Variants in ZNF490 observed in about 807,000 individuals in gnomAD.
The protein encoded by ZNF490 is zinc finger protein 490.
Under a neutral mutation model 17.7 loss-of-function variants are expected in ZNF490, and 11 were observed. The ratio of observed to expected loss-of-function variants is 0.62; its 90% confidence interval spans 0.39 to 1.03. The LOEUF is 1.03. Ranked by LOEUF, ZNF490 falls within the 50% of genes least tolerant of loss-of-function variation. ZNF490 has a pLI of 0.00. For missense variants in ZNF490, 542 were observed against 643.4 expected, an observed-to-expected ratio of 0.84 and a Z score of 1.71; for synonymous variants, 222 against 216.1, an observed-to-expected ratio of 1.03 and a Z score of -0.24.
rs547926819 is a variant in ZNF490 at position 12,582,995 on chromosome 19, G to C, written c.290-85C>G. ...ACTCTAAGATCCATGATTAGCTATTGATTAGCTATGACACTGTCTGATCTA... is the reference window on the plus strand; with the variant it reads ...ACTCTAAGATCCATGATTAGCTATTCATTAGCTATGACACTGTCTGATCTA... On this transcript the variant is annotated intron_variant, in intron 3 of 4. Transcript: ENST00000311437. 7.4e-5 allele frequency: 80 copies of C among 1,083,170 alleles called. 1 individual carries two copies. Among genetic ancestry groups the C allele is most frequent in the South Asian group, 6.0e-4 (44 of 72,976 alleles). The allele number at this position is 1,083,170 out of a possible 1,614,324, so 67.1% of individuals were successfully genotyped here.
Position 12,595,966 on chromosome 19 carries a change from AG to A in ZNF490, c.163-12411del, listed in dbSNP as rs990831722. Among the ~76,000 whole-genome samples the A allele has an allele frequency of 4.7e-4, 71 of 151,234 alleles. 1 individual carries two copies. In the East Asian group the frequency reaches 0.011, roughly 24 times the overall value. ...ACTCTGTCAAAAGAAAAAAAGAAAA[AG>A]AAAAAAAGGTGATTTGGGCCAGCGC... On this transcript the variant is annotated intron_variant, in intron 2 of 4. Transcript: ENST00000311437.
intron 2 of ZNF490, among the ~76,000 whole-genome samples, chr19:12,594,968 G>A (rs190869725): frequency 9.9e-5 from 15 of 152,280 alleles, no homozygotes; most frequent in Admixed American, 9.2e-4. Context: ...TCAGAACTAG[G>A]CTGGGCCTGG....
rs188131008 is a variant in ZNF490 at position 12,601,900 on chromosome 19, A to C, written c.162+7258T>G. ...TCCCAGCTACTCAGGAGGCTGAGGC[A>C]GGAGAATGGCGTGAACCCGGGAGGC... On this transcript the variant is annotated intron_variant, in intron 2 of 4. Transcript: ENST00000311437. Among the ~76,000 whole-genome samples, 566 of 152,048 alleles carry C rather than the reference A, an allele frequency of 3.7e-3. 6 individuals are homozygous for C. Among genetic ancestry groups the C allele is most frequent in the African/African-American group, 0.013 (543 of 41,480 alleles).
rs867327292 is a variant in ZNF490 at position 12,583,960 on chromosome 19, A to G, written c.163-404T>C. 3.4e-3 allele frequency among the ~76,000 whole-genome samples: 511 copies of G among 149,514 alleles called. 2 individuals carry two copies. The highest frequency in any genetic ancestry group is 0.012 in the African/African-American group (471 of 40,564). On this transcript the variant is annotated intron_variant, in intron 2 of 4. Coordinates refer to ENST00000311437, the MANE Select transcript of ZNF490 (RefSeq NM_020714.3). The stretch of plus-strand genomic sequence containing the variant: ...CGAGTAGCTGGGACTACAGGCGCCC[A>G]CCACCACACCCAGCTAATTTTTTGT...
At chr19:12,596,925 C>A (rs1335170651) in intron 2 of ZNF490, among the ~76,000 whole-genome samples, 2 of 152,224 alleles carry the variant, frequency 1.3e-5, no homozygotes, top group Admixed American at 6.5e-5. Flanking sequence ...GCACAATCTT[C>A]GGAGACGCGG....
At chr19:12,603,099 G>A (rs1344810165) in intron 2 of ZNF490, among the ~76,000 whole-genome samples, 1 of 152,166 alleles carries the variant, frequency 6.6e-6, no homozygotes. Flanking sequence ...GGAAAAGAAA[G>A]TTGTGATATT....
In ZNF490 at chr19:12,578,205, A is replaced by G. The variant is rs1432576577; in HGVS notation, c.*2280T>C. ...GAAGGCCGGAGCATCATCAGTGCAT[A>G]TGCCGCTGAATATCTCAGGGTAGAA... On this transcript the variant is annotated 3_prime_UTR_variant, in exon 5 of 5. Transcript: ENST00000311437. 1.0e-6 allele frequency: 1 copy of G among 985,404 alleles called. No individual in the cohort carries two copies. The highest frequency in any genetic ancestry group is 1.7e-5 in the African/African-American group (1 of 57,252). The allele number at this position is 985,404 out of a possible 1,614,324, so 61.0% of individuals were successfully genotyped here.
rs2022658006 is a variant in ZNF490 at position 12,577,415 on chromosome 19, ATC to A, written c.*3068_*3069del. On this transcript the variant is annotated 3_prime_UTR_variant, in exon 5 of 5. Coordinates refer to ENST00000311437, the MANE Select transcript of ZNF490 (RefSeq NM_020714.3). ...CCTGACCTCCCACAGTACAATAATC[ATC>A]TCTCTACAAAAGCACAACATGGCAG... The A allele has an allele frequency of 1.0e-6, 1 of 984,278 alleles. No homozygotes were observed. The highest frequency in any genetic ancestry group is 1.2e-6 in the Non-Finnish European group (1 of 828,874). The allele number at this position is 984,278 out of a possible 1,614,324, so 61.0% of individuals were successfully genotyped here. A position where few individuals can be genotyped will look rare whatever the true frequency, so the allele number is the denominator to read the frequency against.
intron 2 of ZNF490, among the ~76,000 whole-genome samples, chr19:12,594,842 T>C (rs2022914066): frequency 6.6e-6 from 1 of 152,176 alleles, no homozygotes; most frequent in Admixed American, 6.6e-5. Context: ...CATCCATCAA[T>C]CAATCAGTGT....
intron 2 of ZNF490, among the ~76,000 whole-genome samples, chr19:12,607,995 A>G (rs2023091558): frequency 1.3e-5 from 2 of 152,200 alleles, no homozygotes; most frequent in African/African-American, 4.8e-5. Flanking sequence ...CAGAACAGTC[A>G]ATAACCAAAT....
At chr19:12,604,872 G>T (rs1352658495) in intron 2 of ZNF490, among the ~76,000 whole-genome samples, 1 of 151,838 alleles carries the variant, frequency 6.6e-6, no homozygotes, top group East Asian at 1.9e-4. Flanking sequence ...ATCCTTTGTA[G>T]GCTGGGTGCA....
Position 12,579,079 on chromosome 19 carries a change from C to T in ZNF490, c.*1406G>A, listed in dbSNP as rs2022684641. The T allele has an allele frequency of 3.0e-6, 1 of 331,036 alleles. No homozygotes were observed. 20.5% of individuals were successfully genotyped at this position (331,036 alleles called of 1,614,324 possible). On this transcript the variant is annotated 3_prime_UTR_variant, in exon 5 of 5. Coordinates refer to ENST00000311437, the MANE Select transcript of ZNF490 (RefSeq NM_020714.3). ...CTATCCTGGCTAACACGGTGAAACC[C>T]CGTCTCCACTAAAAATACAAAAAAT...
At chr19:12,610,206 CTT>C (rs59664090) in intron 1 of ZNF490, among the ~76,000 whole-genome samples, 59 of 128,930 alleles carry the variant, frequency 4.6e-4, no homozygotes, top group South Asian at 7.4e-4. Context: ...TCTTTCTTTC[CTT>C]TTTTTTTTTT....
intron 2 of ZNF490, among the ~76,000 whole-genome samples, chr19:12,602,272 C>T (rs933645743): frequency 4.0e-5 from 6 of 151,730 alleles, no homozygotes; most frequent in Non-Finnish European, 7.4e-5. Flanking sequence ...CTTTGGCTGG[C>T]GCGGTAGCTC....
intron 2 of ZNF490, among the ~76,000 whole-genome samples, chr19:12,583,811 A>ATTTTTTTTTTT (rs879747918): frequency 1.3e-5 from 1 of 78,668 alleles, no homozygotes; most frequent in African/African-American, 5.1e-5. Context: ...ATATATATAT[A>ATTTTTTTTTTT]TTTTTTTTTT....
intron 2 of ZNF490, among the ~76,000 whole-genome samples, chr19:12,603,202 T>A (rs1007624945): frequency 6.6e-6 from 1 of 152,102 alleles, no homozygotes; most frequent in African/African-American, 2.4e-5. Context: ...AATTGGAGTA[T>A]CTTTTGTTAA....
At chr19:12,603,195 T>C (rs2023027369) in intron 2 of ZNF490, among the ~76,000 whole-genome samples, 1 of 152,148 alleles carries the variant, frequency 6.6e-6, no homozygotes, top group African/African-American at 2.4e-5. Flanking sequence ...CTAGAGCAAT[T>C]GGAGTATCTT....
rs147813484 is a variant in ZNF490, at chr19:12,578,350, G to A, written c.*2135C>T. On this transcript the variant is annotated 3_prime_UTR_variant, in exon 5 of 5. Coordinates refer to ENST00000311437, the MANE Select transcript of ZNF490 (RefSeq NM_020714.3). ...CAGTTTTGAGATTATTCTGACTGTG[G>A]TGGTTGGTGCAGGGCTGGTAACCGC... 2 of 985,692 alleles carry A rather than the reference G, an allele frequency of 2.0e-6. No individual in the cohort carries two copies. The highest frequency in any genetic ancestry group is 3.5e-5 in the African/African-American group (2 of 57,368). 61.1% of individuals were successfully genotyped at this position (985,692 alleles called of 1,614,324 possible). A position where few individuals can be genotyped will look rare whatever the true frequency, so the allele number is the denominator to read the frequency against.
chr19:12,600,199 A>G (rs912023437), intron 2 of ZNF490, among the ~76,000 whole-genome samples: 1 of 146,722 alleles, frequency 6.8e-6, no homozygotes. Flanking sequence ...CGTCTCTACT[A>G]AAAAAAAAAC....
Sources: allele counts gnomAD v4.1 joint callset (sites outside exome capture counted in the v4.1 genomes callset), GRCh38; gene constraint gnomAD v4.1.1; transcripts MANE v1.5; gene names NCBI Gene and HGNC (gene_info 2026-07-23, HGNC 2026-07-21).